MND1: variants seen among roughly 807,000 people sequenced by gnomAD.
The protein encoded by MND1 is meiotic nuclear division protein 1 homolog.
MND1 carries 28 observed loss-of-function variants against 35.1 expected under a neutral mutation model. The observed-to-expected ratio is 0.80, with a 90% CI of 0.59 to 1.09. The LOEUF (loss-of-function observed/expected upper bound fraction) is 1.09, where lower values mean the gene tolerates loss of function less well. Among genes scored for constraint, MND1 ranks in the 50% least tolerant of loss-of-function variants. The pLI is 0.00. For synonymous variants in MND1, 69 were observed against 70.5 expected, an observed-to-expected ratio of 0.98 and a Z score of 0.11; for missense variants, 213 against 239.6, an observed-to-expected ratio of 0.89 and a Z score of 0.73.
At chr4:153,364,845 A>G (rs535491300) in intron 4 of MND1, among the ~76,000 whole-genome samples, 1 of 152,288 alleles carries the variant, frequency 6.6e-6, no homozygotes, top group African/African-American at 2.4e-5. Flanking sequence ...CTGAGTAGCT[A>G]GGATTGCAGG....
chr4:153,360,504 A>G (rs1773454061), intron 4 of MND1, among the ~76,000 whole-genome samples: 2 of 151,876 alleles, frequency 1.3e-5, no homozygotes, highest in South Asian at 4.2e-4. Flanking sequence ...GGAAAGGTGT[A>G]AAGTGTGTGT....
At chr4:153,365,007 A>G (rs1057224396) in intron 4 of MND1, among the ~76,000 whole-genome samples, 5 of 152,188 alleles carry the variant, frequency 3.3e-5, no homozygotes, top group African/African-American at 7.2e-5. Context: ...ACTTACAGAA[A>G]TAAAAAATAG....
intron 3 of MND1, among the ~76,000 whole-genome samples, chr4:153,357,603 A>T (rs1030664100): frequency 3.9e-5 from 6 of 152,224 alleles, no homozygotes; most frequent in Non-Finnish European, 8.8e-5. Context: ...CAGAAAATCC[A>T]TGTATATAAC....
At chr4:153,408,483 T>C (rs1729582912) in intron 6 of MND1, among the ~76,000 whole-genome samples, 1 of 148,428 alleles carries the variant, frequency 6.7e-6, no homozygotes, top group Non-Finnish European at 1.5e-5. Context: ...GTATTTAAAG[T>C]AAAAGTAAAT....
intron 6 of MND1, among the ~76,000 whole-genome samples, chr4:153,401,756 G>T (rs1448193889): frequency 6.6e-6 from 1 of 152,184 alleles, no homozygotes; most frequent in Non-Finnish European, 1.5e-5. Flanking sequence ...TTTATTCAGA[G>T]AACAATTTGG....
chr4:153,380,081 TGG>T (rs386680862), intron 4 of MND1, among the ~76,000 whole-genome samples: 150,700 of 152,190 alleles, frequency 0.99, 74,619 homozygotes, highest in East Asian at 1. Flanking sequence ...AAATGGTCTG[TGG>T]TATCATTCAA....
chr4:153,387,683 T>A (rs997090796), intron 4 of MND1, among the ~76,000 whole-genome samples: 53 of 152,132 alleles, frequency 3.5e-4, no homozygotes, highest in African/African-American at 1.3e-3. Context: ...GGAAGATTGC[T>A]TGAGCCTGGG....
chr4:153,397,979 A>G (rs1729246192), intron 6 of MND1, among the ~76,000 whole-genome samples: 1 of 152,236 alleles, frequency 6.6e-6, no homozygotes, highest in Non-Finnish European at 1.5e-5. Context: ...TTTGGCCTCA[A>G]GAACTTTGAT....
intron 4 of MND1, among the ~76,000 whole-genome samples, chr4:153,360,610 A>G (rs1579903836): frequency 6.7e-6 from 1 of 149,074 alleles, no homozygotes. Flanking sequence ...GTGTGTGTAT[A>G]TATATATACA....
chr4:153,374,873 G>A (rs1728456634), intron 4 of MND1, among the ~76,000 whole-genome samples: 1 of 152,040 alleles, frequency 6.6e-6, no homozygotes, highest in South Asian at 2.1e-4. Flanking sequence ...CTGCTCATTG[G>A]CTGTGTTAAC....
At chr4:153,391,621 A>G (rs1729036423) in intron 4 of MND1, among the ~76,000 whole-genome samples, 1 of 151,620 alleles carries the variant, frequency 6.6e-6, no homozygotes, top group South Asian at 2.1e-4. Context: ...CAGCTACTCC[A>G]GAGGCTGAGG....
At chr4:153,384,258 C>CTTTTTTTTTTTT (rs35214226) in intron 4 of MND1, among the ~76,000 whole-genome samples, 1 of 55,358 alleles carries the variant, frequency 1.8e-5, no homozygotes, top group East Asian at 5.2e-4. Flanking sequence ...CTACTTTCTG[C>CTTTTTTTTTTTT]TTTTTTTTTT....
intron 1 of MND1, chr4:153,345,563 C>T: frequency 1.0e-6 from 1 of 983,540 alleles, no homozygotes; most frequent in Admixed American, 6.1e-5. Context: ...TTTTCATAAA[C>T]CTTCAAAGTT....
chr4:153,408,832 C>T, intron 6 of MND1, 139 bp from the exon 7 acceptor site: 1 of 200,440 alleles, frequency 5.0e-6, no homozygotes, highest in Middle Eastern at 2.4e-3. Flanking sequence ...TTTTCATAGC[C>T]ATTTTATACA....
In MND1 at chr4:153,397,273, C is replaced by T; in HGVS notation, c.406C>T (p.Gln136Ter). The change falls in exon 6 of 8, where the codon CAG becomes TAG. Residue 136 changes from glutamine to a stop codon, truncating the protein, a stop_gained. Coordinates refer to ENST00000240488, the MANE Select transcript of MND1 (RefSeq NM_032117.4). LOFTEE classifies it high-confidence loss of function. The stretch of plus-strand genomic sequence containing the variant: ...TTCTTCACTTCGAGACCAAAGGGAA[C>T]AGCTAAAGGCAGAAGTAGAAAAATA... Reference protein sequence around the residue: ...ELSSLRDQREQLKAEVEKYKD... With the variant: ...ELSSLRDQRE 1 of 1,612,812 alleles carries T rather than the reference C, an allele frequency of 6.2e-7. No individual in the cohort carries two copies. Among genetic ancestry groups the T allele is most frequent in the Non-Finnish European group, 8.5e-7 (1 of 1,179,296 alleles).
intron 6 of MND1, among the ~76,000 whole-genome samples, chr4:153,399,577 A>G (rs1729288577): frequency 6.6e-6 from 1 of 152,168 alleles, no homozygotes; most frequent in Non-Finnish European, 1.5e-5. Context: ...CATTCCTTGT[A>G]GGTCTGATTC....
intron 4 of MND1, among the ~76,000 whole-genome samples, chr4:153,384,953 T>G (rs1044256002): frequency 8.5e-5 from 13 of 152,236 alleles, no homozygotes; most frequent in African/African-American, 2.9e-4. Flanking sequence ...CAGAGTGTTT[T>G]CTTTTAATGA....
At chr4:153,393,368 CT>C (rs60689772) in intron 4 of MND1, among the ~76,000 whole-genome samples, 14,973 of 125,192 alleles carry the variant, frequency 0.12, 586 homozygotes, top group African/African-American at 0.17. Flanking sequence ...CAATTTCTTT[CT>C]TTTTTTTTTT....
intron 5 of MND1, among the ~76,000 whole-genome samples, chr4:153,394,775 A>G (rs574110134): frequency 4.6e-5 from 7 of 152,208 alleles, no homozygotes; most frequent in Non-Finnish European, 1.0e-4. Context: ...GCATAGAACA[A>G]ACTGAAAACT....
Sources: allele counts gnomAD v4.1 joint callset (sites outside exome capture counted in the v4.1 genomes callset), GRCh38; gene constraint gnomAD v4.1.1; transcripts MANE v1.5; gene names NCBI Gene and HGNC (gene_info 2026-07-23, HGNC 2026-07-21).